The following ENDOV variants were observed in gnomAD, a reference collection of about 807,000 sequenced individuals.
The protein encoded by ENDOV is hEndoV.
ENDOV carries 37 observed loss-of-function variants against 39.4 expected under a neutral mutation model. The ratio of observed to expected loss-of-function variants is 0.94; its 90% CI spans 0.72 to 1.23. ENDOV has a LOEUF of 1.23. Among genes scored for constraint, ENDOV ranks in the 50% most tolerant of loss-of-function variants. The pLI is 0.00. For synonymous variants in ENDOV, 186 were observed against 163.4 expected, an observed-to-expected ratio of 1.14 and a Z score of -1.05; for missense variants, 441 against 375.7, an observed-to-expected ratio of 1.17 and a Z score of -1.44.
intron 2 of ENDOV, 69 bp from the exon 3 acceptor site, chr17:80,421,759 T>C (rs2082062465): frequency 2.0e-6 from 3 of 1,538,260 alleles, no homozygotes; most frequent in Non-Finnish European, 2.6e-6. Context: ...GGGCAGGGCA[T>C]GGACGGACTG....
At position 80,427,514 on chromosome 17, in the gene ENDOV, A is replaced by T. The variant is rs146418304; in HGVS notation, c.715-1082A>T. Reference sequence around the variant, plus strand: ...GCCAAATCCTGGGCCCACCCTCCAGAGGAAGGAAAGCCGCAACCAGTTGGG... The same window carrying T: ...GCCAAATCCTGGGCCCACCCTCCAGTGGAAGGAAAGCCGCAACCAGTTGGG... On this transcript the variant is annotated intron_variant, in intron 7 of 9. Transcript: ENST00000518137. The T allele has an allele frequency of 2.1e-3, 2,113 of 985,460 alleles. 4 individuals carry two copies. The highest frequency in any genetic ancestry group is 2.4e-3 in the Non-Finnish European group (1,960 of 829,930). 61.0% of individuals were successfully genotyped at this position (985,460 alleles called of 1,614,324 possible). A position where few individuals can be genotyped will look rare whatever the true frequency, so the allele number is the denominator to read the frequency against.
chr17:80,432,928 G>C (rs1289034893), intron 9 of ENDOV, among the ~76,000 whole-genome samples: 1 of 152,138 alleles, frequency 6.6e-6, no homozygotes, highest in African/African-American at 2.4e-5. Flanking sequence ...TGAGTCAAAG[G>C]GCTCCACCAC....
At chr17:80,418,252 G>C (rs896255408) in intron 2 of ENDOV, 2 of 152,174 alleles carry the variant, frequency 1.3e-5, no homozygotes, top group African/African-American at 4.8e-5. Context: ...ACAGAATTGT[G>C]ATGAGCAGTA....
intron 7 of ENDOV, chr17:80,427,584 G>A: frequency 1.8e-6 from 2 of 1,085,580 alleles, no homozygotes; most frequent in Non-Finnish European, 2.3e-6. Context: ...TCTTACTGTT[G>A]GGCGTGAGCC....
intron 9 of ENDOV, among the ~76,000 whole-genome samples, chr17:80,434,496 G>GT (rs1387262842): frequency 6.6e-6 from 1 of 152,184 alleles, no homozygotes; most frequent in Non-Finnish European, 1.5e-5. Flanking sequence ...GTGACCCTGT[G>GT]TTTAACTTTC....
rs1429981290 is a variant in ENDOV at position 80,425,312 on chromosome 17, C to T, written c.586-180C>T. The T allele has an allele frequency of 5.1e-6, 5 of 988,104 alleles. No homozygotes were observed. The African/African-American group carries it at 8.2e-5, about 16-fold the overall frequency. The allele number at this position is 988,104 out of a possible 1,614,324, so 61.2% of individuals were successfully genotyped here. A position where few individuals can be genotyped will look rare whatever the true frequency, so the allele number is the denominator to read the frequency against. On this transcript the variant is annotated intron_variant, in intron 6 of 9. Coordinates refer to ENST00000518137, the MANE Select transcript of ENDOV (RefSeq NM_173627.5). ...CGTGCTGAGGGAGCCCACCCTCCCC[C>T]AGGGACAAGCAGCAGGAAGGCGCCC...
intron 2 of ENDOV, among the ~76,000 whole-genome samples, chr17:80,421,221 T>C (rs748106517): frequency 8.6e-6 from 1 of 116,616 alleles, no homozygotes; most frequent in South Asian, 2.8e-4. Flanking sequence ...AGGGAATCCT[T>C]CTACAGTCTA....
intron 9 of ENDOV, chr17:80,430,037 G>A (rs760809121): frequency 1.9e-5 from 29 of 1,535,628 alleles, no homozygotes; most frequent in Middle Eastern, 1.7e-4. Flanking sequence ...CATCTCAGCC[G>A]CAGGTGGAGC....
chr17:80,425,757 T>A, intron 7 of ENDOV, 137 bp downstream of exon 7: 1 of 1,340,372 alleles, frequency 7.5e-7, no homozygotes, highest in East Asian at 2.5e-5. Flanking sequence ...CGAGGACAGG[T>A]CACAGACATC....
Position 80,425,114 on chromosome 17 carries a change from G to T in ENDOV, c.585+14G>T, listed in dbSNP as rs1318774582. 1 of 1,601,594 alleles carries T rather than the reference G, an allele frequency of 6.2e-7. No individual in the cohort carries two copies. Among genetic ancestry groups the T allele is most frequent in the East Asian group, 2.2e-5 (1 of 44,482 alleles). On this transcript the variant is annotated intron_variant, in intron 6 of 9. Transcript: ENST00000518137. ...GTCCTGGGAATGGTGAGTAGCTAGG[G>T]CCCTGAGCTCCTCCAAAGCCCCGGG...
intron 8 of ENDOV, 74 bp from the exon 9 acceptor site, chr17:80,429,699 C>G: frequency 7.0e-7 from 1 of 1,435,944 alleles, no homozygotes. Context: ...GTTCCCAGAC[C>G]CCATCTGGGG....
intron 2 of ENDOV, chr17:80,419,941 G>A (rs751032182): frequency 6.9e-6 from 3 of 437,412 alleles, no homozygotes. Flanking sequence ...TGCCCCCTAC[G>A]CTAATCATAC....
chr17:80,431,504 G>A (rs925956647), intron 9 of ENDOV, among the ~76,000 whole-genome samples: 8 of 152,252 alleles, frequency 5.3e-5, no homozygotes, highest in African/African-American at 1.9e-4. Context: ...TAAAGTCACG[G>A]GGGGCACAGG....
chr17:80,424,047 C>A (rs933685874), intron 5 of ENDOV: 6 of 398,196 alleles, frequency 1.5e-5, no homozygotes, highest in Non-Finnish European at 1.8e-5. Flanking sequence ...CCCCCTCCCG[C>A]CAAGACCTGC....
chr17:80,426,824 C>CTAAA (rs1389127139), intron 7 of ENDOV, among the ~76,000 whole-genome samples: 3 of 152,336 alleles, frequency 2.0e-5, no homozygotes, highest in Middle Eastern at 3.4e-3. Context: ...GCAGATTGGC[C>CTAAA]TTTTTAGGTG....
At chr17:80,416,130 G>T (rs1349978030) in intron 2 of ENDOV, 2 of 232,878 alleles carry the variant, frequency 8.6e-6, no homozygotes, top group Admixed American at 6.1e-5. Flanking sequence ...CCAGCTACTC[G>T]GAAGGCTGAG....
At position 80,415,748 on chromosome 17, in the gene ENDOV, A is replaced by T. The variant is rs2081034531; in HGVS notation, c.155A>T (p.Asp52Val). 5.6e-6 allele frequency: 9 copies of T among 1,606,882 alleles called. No homozygotes were observed. Among genetic ancestry groups the T allele is most frequent in the Non-Finnish European group, 7.6e-6 (9 of 1,176,960 alleles). The change falls in exon 2 of 10, where the codon GAC (aspartate) becomes GTC (valine). Residue 52 changes from aspartate to valine, a missense_variant. Asp to Val is a radical substitution (Grantham distance 152). Coordinates refer to ENST00000518137, the MANE Select transcript of ENDOV (RefSeq NM_173627.5). ...GGTCTGCAGAGGGTCGGGGGCGTTG[A>T]CGTGTCCTTCGTGAAAGGGGACAGT... Reference protein sequence around the residue: ...FSGLQRVGGVDVSFVKGDSVR... With the variant: ...FSGLQRVGGVVVSFVKGDSVR...
intron 8 of ENDOV, 28 bp from the exon 9 acceptor site, chr17:80,429,745 G>A (rs767368050): frequency 6.9e-6 from 11 of 1,587,178 alleles, no homozygotes. Flanking sequence ...AGCATCTGAT[G>A]CTGTCCCTTT....
At chr17:80,427,333 G>A in intron 7 of ENDOV, 1 of 739,218 alleles carries the variant, frequency 1.4e-6, no homozygotes, top group Non-Finnish European at 1.7e-6. Flanking sequence ...GCTGCAGACA[G>A]CACAGTTCCT....
Sources: allele counts gnomAD v4.1 joint callset (sites outside exome capture counted in the v4.1 genomes callset), GRCh38; gene constraint gnomAD v4.1.1; transcripts MANE v1.5; gene names NCBI Gene and HGNC (gene_info 2026-07-23, HGNC 2026-07-21).